MYO16: variants seen among roughly 807,000 people sequenced by gnomAD.
MYO16 encodes unconventional myosin-XVI.
Under a neutral mutation model 205.3 loss-of-function variants are expected in MYO16, and 94 were observed. The observed-to-expected ratio is 0.46, with a 90% CI of 0.39 to 0.54. The LOEUF (loss-of-function observed/expected upper bound fraction) is 0.54, where lower values mean the gene tolerates loss of function less well. Among genes scored for constraint, MYO16 ranks in the 20% least tolerant of loss-of-function variants. The pLI is 0.00. For synonymous variants in MYO16, 988 were observed against 954.0 expected (o/e 1.04, Z -0.66); for missense variants, 2,315 against 2,387.5 (o/e 0.97, Z 0.63).
chr13:108,835,590 A>G (rs1474802018), intron 9 of MYO16, among the ~76,000 whole-genome samples: 1 of 152,212 alleles, frequency 6.6e-6, no homozygotes, highest in Non-Finnish European at 1.5e-5. Context: ...AGGGCTGAGA[A>G]GAAGACAGGA....
intron 20 of MYO16, among the ~76,000 whole-genome samples, chr13:108,967,503 G>A (rs1167480075): frequency 6.6e-6 from 1 of 152,208 alleles, no homozygotes; most frequent in Non-Finnish European, 1.5e-5. Context: ...TACAAGTAAT[G>A]TGTGGCTGCC....
intron 1 of MYO16, among the ~76,000 whole-genome samples, chr13:108,601,835 C>G (rs887116606): frequency 1.3e-5 from 2 of 152,046 alleles, no homozygotes; most frequent in African/African-American, 4.8e-5. Context: ...CGTTCAGGAG[C>G]CTACATTTCC....
At chr13:108,664,436 A>T (rs1228902970) in intron 1 of MYO16, among the ~76,000 whole-genome samples, 1 of 152,172 alleles carries the variant, frequency 6.6e-6, no homozygotes, top group African/African-American at 2.4e-5. Flanking sequence ...TATATGCTAA[A>T]CAGGGATGTT....
chr13:108,898,203 C>T lies in MYO16; in HGVS notation c.1777+70C>T, dbSNP rs190135191. Reference sequence around the variant, plus strand: ...CATGCGACCACGTCACACACAGGCACGCTATGGACACACTGTGTATGAATC... The same window carrying T: ...CATGCGACCACGTCACACACAGGCATGCTATGGACACACTGTGTATGAATC... On this transcript the variant is annotated intron_variant, in intron 15 of 34. Transcript: ENST00000457511. 397 of 1,145,362 alleles carry T rather than the reference C, an allele frequency of 3.5e-4. 1 individual carries two copies. The African/African-American group carries it at 5.0e-3, about 14-fold the overall frequency. 70.9% of individuals were successfully genotyped at this position (1,145,362 alleles called of 1,614,324 possible). A position where few individuals can be genotyped will look rare whatever the true frequency, so the allele number is the denominator to read the frequency against.
chr13:108,776,930 A>G (rs148830089), intron 4 of MYO16, among the ~76,000 whole-genome samples: 68 of 152,146 alleles, frequency 4.5e-4, no homozygotes, highest in Non-Finnish European at 5.9e-4. Context: ...GGTGGAGAAC[A>G]GTGGGTGTAT....
intron 4 of MYO16, among the ~76,000 whole-genome samples, chr13:108,765,444 G>A (rs563859431): frequency 1.3e-5 from 2 of 152,162 alleles, no homozygotes; most frequent in African/African-American, 4.8e-5. Flanking sequence ...AGAGCTTGTT[G>A]GAAAATAACA....
intron 4 of MYO16, among the ~76,000 whole-genome samples, chr13:108,741,149 AC>A (rs1884895993): frequency 6.6e-6 from 1 of 152,000 alleles, no homozygotes; most frequent in African/African-American, 2.4e-5. Context: ...TCCTGCACCC[AC>A]CATCCGACAC....
chr13:109,186,419 CTGTTG>C (rs1318985736), intron 34 of MYO16, among the ~76,000 whole-genome samples: 1 of 152,082 alleles, frequency 6.6e-6, no homozygotes, highest in African/African-American at 2.4e-5. Context: ...TTCCTCTGGT[CTGTTG>C]TGTTGTGGTC....
Position 109,140,913 on chromosome 13 carries a change from C to T in MYO16, c.4701C>T (p.Ser1567=). Residue 1567 remains serine, a synonymous_variant, in exon 32 of 35, where the codon AGC becomes AGT. Coordinates refer to ENST00000457511, the MANE Select transcript of MYO16 (RefSeq NM_001198950.3). This position sits in a 1 kb window ranked among gnomAD's most constrained non-coding sequence, Gnocchi z 8.0. ...SSPLSPQYSK[S]QKGDGDRPAS... ...CGCTGTCCCCGCAGTACTCCAAGAG[C>T]CAGAAGGGCGACGGCGACAGGCCCG... The T allele has an allele frequency of 3.2e-6, 5 of 1,576,180 alleles. No homozygotes were observed. Among genetic ancestry groups the T allele is most frequent in the Non-Finnish European group, 4.3e-6 (5 of 1,163,722 alleles).
intron 1 of MYO16, among the ~76,000 whole-genome samples, chr13:108,650,582 T>C (rs138214663): frequency 6.6e-6 from 1 of 152,340 alleles, no homozygotes; most frequent in African/African-American, 2.4e-5. Flanking sequence ...GGTTCAAAAA[T>C]GTATATTTAG....
intron 16 of MYO16, among the ~76,000 whole-genome samples, chr13:108,932,220 C>A (rs558662147): frequency 6.6e-6 from 1 of 151,936 alleles, no homozygotes; most frequent in African/African-American, 2.4e-5. Flanking sequence ...ATTTCTAGTT[C>A]TTTTTATATC....
rs549657381 is a variant in MYO16 at position 109,205,433 on chromosome 13, G to C, written c.5416-1176G>C. Among the ~76,000 whole-genome samples the C allele has an allele frequency of 2.0e-5, 3 of 152,260 alleles. No individual in the cohort carries two copies. The East Asian group carries it at 5.8e-4, about 29-fold the overall frequency. On this transcript the variant is annotated intron_variant, in intron 34 of 34. Coordinates refer to ENST00000457511, the MANE Select transcript of MYO16 (RefSeq NM_001198950.3). ...ATAAGTGCATAACCACTTGTGTTCTGTTTTGTTTTATTTTCTCTCATTTTA... is the reference window on the plus strand; with the variant it reads ...ATAAGTGCATAACCACTTGTGTTCTCTTTTGTTTTATTTTCTCTCATTTTA...
At chr13:108,747,397 A>G (rs1478219025) in intron 4 of MYO16, among the ~76,000 whole-genome samples, 1 of 152,156 alleles carries the variant, frequency 6.6e-6, no homozygotes, top group Non-Finnish European at 1.5e-5. Context: ...GGGTACAGAG[A>G]AGGGTGTGGG....
intron 21 of MYO16, among the ~76,000 whole-genome samples, chr13:109,008,184 G>A (rs1001731248): frequency 6.6e-6 from 1 of 152,200 alleles, no homozygotes; most frequent in Non-Finnish European, 1.5e-5. Flanking sequence ...CCCAGGCAAC[G>A]TTGTCATGCT....
intron 23 of MYO16, among the ~76,000 whole-genome samples, chr13:109,037,283 C>T (rs973042242): frequency 1.3e-5 from 2 of 152,208 alleles, no homozygotes; most frequent in African/African-American, 4.8e-5. Flanking sequence ...CTGGAGGCGG[C>T]GGCCCTCAGT....
chr13:108,892,780 C>A (rs956994535), intron 14 of MYO16, among the ~76,000 whole-genome samples: 34 of 152,130 alleles, frequency 2.2e-4, no homozygotes, highest in African/African-American at 7.2e-4. Context: ...TTAAAATGAT[C>A]ATCTGGGAGA....
At chr13:108,496,076 G>A in the MYO16 span, among the ~76,000 whole-genome samples, 15 of 152,296 alleles carry the variant, frequency 9.8e-5, no homozygotes, top group Admixed American at 3.9e-4. Flanking sequence ...GACTTGCGGC[G>A]CTGGGTCCCC....
At chr13:108,710,148 C>A (rs1429060359) in intron 2 of MYO16, among the ~76,000 whole-genome samples, 1 of 152,092 alleles carries the variant, frequency 6.6e-6, no homozygotes, top group South Asian at 2.1e-4. Flanking sequence ...CTCTCCCTTG[C>A]CAGCTTCTGA....
chr13:108,639,341 T>C (rs1880399153), intron 1 of MYO16, among the ~76,000 whole-genome samples: 1 of 152,232 alleles, frequency 6.6e-6, no homozygotes, highest in Admixed American at 6.5e-5. Flanking sequence ...GTTGCTTTGC[T>C]CTTTTAAAAA....
Sources: gnomAD v4.1 joint callset for allele counts (sites outside exome capture counted in the v4.1 genomes callset) on GRCh38, gnomAD v4.1.1 for gene constraint, Gnocchi (gnomAD v3.1) non-coding constraint, MANE v1.5 for transcripts, NCBI Gene and HGNC (gene_info 2026-07-23, HGNC 2026-07-21) for gene names.